CLTC: variants seen among roughly 807,000 people sequenced by gnomAD.
CLTC encodes the protein clathrin heavy chain 1.
A neutral mutation model predicts 195.8 loss-of-function variants in CLTC; 16 were observed. The observed-to-expected ratio is 0.08, with a 90% CI of 0.06 to 0.12. The LOEUF is 0.12. CLTC is among the 10% of genes least tolerant of loss of function. CLTC has a pLI of 1.00. For missense variants in CLTC, 796 were observed against 2,027.0 expected, an observed-to-expected ratio of 0.39 and a Z score of 11.66; for synonymous variants, 667 against 689.4, an observed-to-expected ratio of 0.97 and a Z score of 0.51.
chr17:59,621,257 C>A (rs1280503842), intron 1 of CLTC, among the ~76,000 whole-genome samples: 1 of 152,180 alleles, frequency 6.6e-6, no homozygotes, highest in Non-Finnish European at 1.5e-5. Context: ...TGTCACCAAT[C>A]CTGTTTTTTA....
In CLTC at chr17:59,685,278, T is replaced by G. The variant is rs1323851246; in HGVS notation, c.4605+52T>G. 6.8e-7 allele frequency: 1 copy of G among 1,466,980 alleles called. No individual in the cohort carries two copies. 90.9% of individuals were successfully genotyped at this position (1,466,980 alleles called of 1,614,324 possible). A position where few individuals can be genotyped will look rare whatever the true frequency, so the allele number is the denominator to read the frequency against. On this transcript the variant is annotated intron_variant, in intron 29 of 31. Coordinates refer to ENST00000269122, the MANE Select transcript of CLTC (RefSeq NM_004859.4). This position sits in a 1 kb window ranked among gnomAD's most constrained non-coding sequence, Gnocchi z 5.0. ...GTTTTAAACCAGGCCTAAAATGGTG[T>G]TACAAGTGATTATAATCTATAAATA... is the stretch of plus-strand genomic sequence containing the variant.
At chr17:59,657,499 G>A (rs551493123) in intron 6 of CLTC, among the ~76,000 whole-genome samples, 2 of 152,172 alleles carry the variant, frequency 1.3e-5, no homozygotes, top group East Asian at 3.9e-4. Context: ...AGGCTCAGTG[G>A]CTCATACCTG....
chr17:59,642,095 T>C (rs907885780), intron 1 of CLTC, among the ~76,000 whole-genome samples: 2 of 151,600 alleles, frequency 1.3e-5, no homozygotes, highest in African/African-American at 2.4e-5. Flanking sequence ...GCTTTTTTTC[T>C]GGGGATCTAA....
chr17:59,676,373 T>C (rs2143579111), intron 16 of CLTC, among the ~76,000 whole-genome samples: 1 of 152,328 alleles, frequency 6.6e-6, no homozygotes, highest in South Asian at 2.1e-4. Context: ...TAGGTAATGC[T>C]GTATGTTAAT....
rs1271750956 is a variant in CLTC, at chr17:59,691,629, A to AT, written c.4903+918_4903+919insT. Among the ~76,000 whole-genome samples the AT allele has an allele frequency of 6.1e-5, 9 of 146,996 alleles. 1 individual carries two copies. The highest frequency in any genetic ancestry group is 2.0e-4 in the African/African-American group (8 of 40,008). On this transcript the variant is annotated intron_variant, in intron 31 of 31. Transcript: ENST00000269122. ...ACAGAGCAAGACTCCGCCTTAAAAA[A>AT]AAAATATATATATATATATACATAT...
rs2033125924 is a variant in CLTC, at chr17:59,683,906, T to C, written c.4355T>C (p.Leu1452Ser). 1 of 1,613,846 alleles carries C rather than the reference T, an allele frequency of 6.2e-7. No individual in the cohort carries two copies. The change falls in exon 28 of 32, where the codon TTG (leucine) becomes TCG (serine). Residue 1452 changes from leucine (L) to serine (S), a missense_variant. Physicochemically the swap from Leu to Ser is moderately radical, Grantham distance 145 (BLOSUM62 -2). Coordinates refer to ENST00000269122, the MANE Select transcript of CLTC (RefSeq NM_004859.4). This position sits in a 1 kb window ranked among gnomAD's most constrained non-coding sequence, Gnocchi z 6.1. Reference protein sequence around the residue: ...VKQLPLVKPYLRSVQNHNNKS... With the variant: ...VKQLPLVKPYSRSVQNHNNKS... ...CAGCTACCACTGGTGAAACCGTATTTGCGTTCAGTTCAGAACCATAACAAC... is the reference window on the plus strand; with the variant it reads ...CAGCTACCACTGGTGAAACCGTATTCGCGTTCAGTTCAGAACCATAACAAC...
chr17:59,690,645 T>A lies in CLTC; in HGVS notation c.4837T>A (p.Leu1613Ile). 1.2e-6 allele frequency: 2 copies of A among 1,612,084 alleles called. No individual in the cohort carries two copies. Among genetic ancestry groups the A allele is most frequent in the Non-Finnish European group, 1.7e-6 (2 of 1,178,858 alleles). The change falls in exon 31 of 32, where the codon TTA (leucine) becomes ATA (isoleucine). Residue 1613 changes from leucine to isoleucine, a missense_variant. Physicochemically the swap from Leu to Ile is conservative, Grantham distance 5 (BLOSUM62 2). Around this residue, in one of 9 missense-constraint regions of CLTC, gnomAD observed 148 missense variants for 279.5 expected, o/e 0.53. Coordinates refer to ENST00000269122, the MANE Select transcript of CLTC (RefSeq NM_004859.4). ...ATGTGTTTTTCTCCAGGTGGATAAA[T>A]TAGATGCTTCAGAATCACTGAGAAA... ...MKEYLTKVDK[L>I]DASESLRKEE...
chr17:59,629,190 A>G (rs1364871804), intron 1 of CLTC, among the ~76,000 whole-genome samples: 1 of 152,180 alleles, frequency 6.6e-6, no homozygotes, highest in South Asian at 2.1e-4. Context: ...GCAATATTCT[A>G]TATTTGGTCA....
Position 59,666,358 on chromosome 17 carries a change from G to A in CLTC, c.1782+118G>A. ...CCTACTCCTTATTAAAGAAAATGTA[G>A]CTATTATAATATTCTTTTGTACTTT... On this transcript the variant is annotated intron_variant, in intron 11 of 31. Coordinates refer to ENST00000269122, the MANE Select transcript of CLTC (RefSeq NM_004859.4). This position sits in a 1 kb window ranked among gnomAD's most constrained non-coding sequence, Gnocchi z 4.9. The A allele has an allele frequency of 6.8e-7, 1 of 1,473,388 alleles. No individual in the cohort carries two copies. Among genetic ancestry groups the A allele is most frequent in the Admixed American group, 2.0e-5 (1 of 48,906 alleles). The allele number at this position is 1,473,388 out of a possible 1,614,324, so 91.3% of individuals were successfully genotyped here. A position where few individuals can be genotyped will look rare whatever the true frequency, so the allele number is the denominator to read the frequency against.
At chr17:59,621,174 G>T (rs2031366041) in intron 1 of CLTC, among the ~76,000 whole-genome samples, 4 of 152,238 alleles carry the variant, frequency 2.6e-5, no homozygotes, top group Non-Finnish European at 4.4e-5. Flanking sequence ...CAACATGCCA[G>T]TGGCGGGCCT....
intron 1 of CLTC, 33 bp downstream of exon 1, chr17:59,620,206 G>A: frequency 6.2e-7 from 1 of 1,612,728 alleles, no homozygotes; most frequent in Non-Finnish European, 8.5e-7. Context: ...GAGGGCTGTG[G>A]AGAAGGTGGT....
At chr17:59,660,287 T>C (rs901731161) in intron 6 of CLTC, 104 bp from the exon 7 acceptor site, 2 of 956,388 alleles carry the variant, frequency 2.1e-6, no homozygotes, top group Non-Finnish European at 3.1e-6. Flanking sequence ...GCTGTCACAA[T>C]TTCATTACCT....
chr17:59,687,100 C>G, intron 30 of CLTC: 2 of 709,992 alleles, frequency 2.8e-6, no homozygotes, highest in Non-Finnish European at 3.5e-6. Flanking sequence ...CCTTCCTCTT[C>G]TACACTGCTG....
intron 1 of CLTC, among the ~76,000 whole-genome samples, chr17:59,633,646 G>T (rs1204398062): frequency 7.8e-6 from 1 of 128,490 alleles, no homozygotes; most frequent in Non-Finnish European, 1.7e-5. Context: ...TTCCTGGCAG[G>T]TCCCTCAGTA....
rs1189620995 is a variant in CLTC at position 59,696,661 on chromosome 17, GA to G, written c.*2815del. 4.3e-5 allele frequency: 9 copies of G among 211,476 alleles called. No individual in the cohort carries two copies. The highest frequency in any genetic ancestry group is 1.1e-4 in the African/African-American group (5 of 44,204). The allele number at this position is 211,476 out of a possible 1,614,324, so 13.1% of individuals were successfully genotyped here. ...TCAAGTGTATCTAAAGATCAAAAGGGAAAAAAGGCACCCTTAATTGTCAAAG... is the reference window on the plus strand; with the variant it reads ...TCAAGTGTATCTAAAGATCAAAAGGGAAAAAGGCACCCTTAATTGTCAAAG... On this transcript the variant is annotated 3_prime_UTR_variant, in exon 32 of 32. Coordinates refer to ENST00000269122, the MANE Select transcript of CLTC (RefSeq NM_004859.4).
intron 1 of CLTC, among the ~76,000 whole-genome samples, chr17:59,640,617 C>A (rs1051155281): frequency 6.6e-5 from 10 of 151,700 alleles, no homozygotes; most frequent in Non-Finnish European, 1.5e-4. Context: ...CCAGGATGAT[C>A]TCGATCTCCT....
intron 1 of CLTC, among the ~76,000 whole-genome samples, chr17:59,641,209 AC>A (rs1264997038): frequency 6.6e-6 from 1 of 152,160 alleles, no homozygotes; most frequent in Admixed American, 6.5e-5. Flanking sequence ...TAGGGAAGTA[AC>A]CCATATCACT....
intron 17 of CLTC, among the ~76,000 whole-genome samples, chr17:59,677,996 C>T (rs1432851014): frequency 6.6e-6 from 1 of 152,168 alleles, no homozygotes; most frequent in East Asian, 1.9e-4. Flanking sequence ...CACATACCCC[C>T]TCCTCCCAGC....
intron 2 of CLTC, 38 bp downstream of exon 2, chr17:59,644,521 A>AT: frequency 6.8e-7 from 1 of 1,463,654 alleles, no homozygotes. Context: ...AACTCTTCCT[A>AT]TGTTTTTGTT....
Sources: allele counts gnomAD v4.1 joint callset (sites outside exome capture counted in the v4.1 genomes callset), GRCh38; gene constraint gnomAD v4.1.1; regional missense constraint gnomAD v4.1.1; non-coding constraint Gnocchi (gnomAD v3.1); transcripts MANE v1.5; gene names NCBI Gene and HGNC (gene_info 2026-07-23, HGNC 2026-07-21).